The following CCL1 variants were observed in gnomAD, a reference collection of about 807,000 sequenced individuals.
The protein encoded by CCL1 is C-C motif chemokine ligand 1.
Under a neutral mutation model 7.5 loss-of-function variants are expected in CCL1, and 9 were observed. The observed-to-expected ratio is 1.20, with a 90% CI of 0.72 to 2.09. The LOEUF (loss-of-function observed/expected upper bound fraction) is 2.09. CCL1 is among the 30% of genes most tolerant of loss of function. CCL1 has a pLI of 0.00. For missense variants in CCL1, 110 were observed against 113.7 expected (o/e 0.97, Z 0.15); for synonymous variants, 48 against 44.7 (o/e 1.07, Z -0.30).
rs917421009 is a variant in CCL1 at position 34,361,061 on chromosome 17, G to A, written c.189-400C>T. ...CATGTGTTTGTGTGTGTGTGTGTGC[G>A]CGCGCCTTGTGTGTGTGTGGGTGTG... On this transcript the variant is annotated intron_variant, in intron 2 of 2. Coordinates refer to ENST00000225842, the MANE Select transcript of CCL1 (RefSeq NM_002981.2). 5.3e-5 allele frequency among the ~76,000 whole-genome samples: 8 copies of A among 151,970 alleles called. No homozygotes were observed. In the South Asian group the frequency reaches 8.3e-4, roughly 16 times the overall value.
intron 1 of CCL1, 127 bp downstream of exon 1, chr17:34,362,959 C>T: frequency 1.2e-6 from 1 of 823,758 alleles, no homozygotes; most frequent in South Asian, 1.6e-5. Flanking sequence ...CACCATTCCT[C>T]CTCTTTAGGT....
At chr17:34,363,011 T>C in intron 1 of CCL1, 75 bp downstream of exon 1, 2 of 1,384,316 alleles carry the variant, frequency 1.4e-6, no homozygotes, top group Non-Finnish European at 2.0e-6. Context: ...AGGAGAAGCC[T>C]GCTCCAACCC....
chr17:34,360,666 G>A lies in CCL1; in HGVS notation c.189-5C>T, dbSNP rs771188419. The A allele has an allele frequency of 6.8e-6, 11 of 1,609,634 alleles. No homozygotes were observed. The highest frequency in any genetic ancestry group is 9.3e-6 in the Non-Finnish European group (11 of 1,177,390). ...TTGCCTCTCTTCAGCTTGAATCTGT[G>A]AACAGAGAATAAGAGAGAAGGCTGA... On this transcript the variant is annotated splice_region_variant and splice_polypyrimidine_tract_variant and intron_variant, in intron 2 of 2. Transcript: ENST00000225842.
intron 2 of CCL1, among the ~76,000 whole-genome samples, chr17:34,361,058 T>TGTGTGC (rs2141950635): frequency 6.6e-6 from 1 of 152,102 alleles, no homozygotes; most frequent in African/African-American, 2.4e-5. Flanking sequence ...TGTGTGTGTG[T>TGTGTGC]GCGCGCGCCT....
At position 34,360,380 on chromosome 17, in the gene CCL1, G is replaced by T; in HGVS notation, c.*179C>A. On this transcript the variant is annotated 3_prime_UTR_variant, in exon 3 of 3. Transcript: ENST00000225842. Reference sequence around the variant, plus strand: ...CTCTGAAATCCAAGAGACCCAGAGGGTTGGGGGTTGATGATTGTATAATTT... The same window carrying T: ...CTCTGAAATCCAAGAGACCCAGAGGTTTGGGGGTTGATGATTGTATAATTT... 4 of 567,536 alleles carry T rather than the reference G, an allele frequency of 7.0e-6. No individual in the cohort carries two copies. The highest frequency in any genetic ancestry group is 6.0e-5 in the South Asian group (3 of 49,664). The allele number at this position is 567,536 out of a possible 1,614,324, so 35.2% of individuals were successfully genotyped here.
At chr17:34,362,616 CCAAA>C (rs758235549) in intron 1 of CCL1, among the ~76,000 whole-genome samples, 1 of 152,136 alleles carries the variant, frequency 6.6e-6, no homozygotes, top group Non-Finnish European at 1.5e-5. Flanking sequence ...TTGGTATTCT[CCAAA>C]CAGTCTTGGA....
chr17:34,361,663 C>A, intron 2 of CCL1, 122 bp downstream of exon 2: 1 of 684,826 alleles, frequency 1.5e-6, no homozygotes, highest in Non-Finnish European at 2.6e-6. Flanking sequence ...CACCCAGGTG[C>A]TGGCAGCTCT....
Position 34,360,446 on chromosome 17 carries a change from C to T in CCL1, c.*113G>A. The T allele has an allele frequency of 1.2e-6, 1 of 802,830 alleles. No homozygotes were observed. The highest frequency in any genetic ancestry group is 1.9e-5 in the Admixed American group (1 of 53,332). 49.7% of individuals were successfully genotyped at this position (802,830 alleles called of 1,614,324 possible). A position where few individuals can be genotyped will look rare whatever the true frequency, so the allele number is the denominator to read the frequency against. On this transcript the variant is annotated 3_prime_UTR_variant, in exon 3 of 3. Transcript: ENST00000225842. ...AACAACATAGCTTATCAAGACCAAG[C>T]AGATCCTCTGTGACCTAGCAAAAGC...
At chr17:34,362,792 C>T (rs1410611905) in intron 1 of CCL1, among the ~76,000 whole-genome samples, 2 of 152,164 alleles carry the variant, frequency 1.3e-5, no homozygotes, top group African/African-American at 2.4e-5. Flanking sequence ...TCCCCTGGAC[C>T]TTAGGCCTCC....
chr17:34,362,982 G>C, intron 1 of CCL1, 104 bp downstream of exon 1: 1 of 994,356 alleles, frequency 1.0e-6, no homozygotes, highest in Non-Finnish European at 1.6e-6. Context: ...GAAGAGGGGA[G>C]ATAGAGTTGG....
intron 2 of CCL1, 114 bp downstream of exon 2, chr17:34,361,671 T>G (rs1248252266): frequency 8.2e-6 from 6 of 730,022 alleles, no homozygotes; most frequent in Non-Finnish European, 1.4e-5. Context: ...TGCTGGCAGC[T>G]CTGGGTTTAG....
Position 34,361,719 on chromosome 17 carries a change from A to T in CCL1, c.188+66T>A, listed in dbSNP as rs1910511022. 4.7e-6 allele frequency: 5 copies of T among 1,053,370 alleles called. No individual in the cohort carries two copies. In the East Asian group the frequency reaches 7.2e-5, roughly 15 times the overall value. The allele number at this position is 1,053,370 out of a possible 1,614,324, so 65.3% of individuals were successfully genotyped here. On this transcript the variant is annotated intron_variant, in intron 2 of 2. Transcript: ENST00000225842. ...GGTAAAATACTGTCATCTAGTGTCT[A>T]CTCTTGTAATTCCAGGCTGGCGGGG... is the stretch of plus-strand genomic sequence containing the variant.
rs780220490 is a variant in CCL1, at chr17:34,360,630, C to A, written c.220G>T (p.Ala74Ser). 4 of 1,613,478 alleles carry A rather than the reference C, an allele frequency of 2.5e-6. No individual in the cohort carries two copies. The highest frequency in any genetic ancestry group is 1.1e-5 in the South Asian group (1 of 91,048). Residue 74 changes from alanine (A) to serine (S), a missense_variant, in exon 3 of 3, where the codon GCC (alanine) becomes TCC (serine). Transcript: ENST00000225842. ...FKLKRGKEACALDTVGWVQRH... is the reference protein window; with the variant it reads ...FKLKRGKEACSLDTVGWVQRH... ...TGAACCCATCCAACTGTGTCCAAGG[C>A]GCAGGCCTCTTTGCCTCTCTTCAGC...
At chr17:34,363,060 A>G (rs776240299) in intron 1 of CCL1, 26 bp downstream of exon 1, 7 of 1,608,656 alleles carry the variant, frequency 4.4e-6, no homozygotes, top group Non-Finnish European at 5.9e-6. Context: ...CCCAGAGAGA[A>G]GCAAAATGAT....
chr17:34,360,938 C>T (rs140554617), intron 2 of CCL1, among the ~76,000 whole-genome samples: 189 of 152,172 alleles, frequency 1.2e-3, no homozygotes, highest in African/African-American at 4.3e-3. Context: ...AACATTCTGA[C>T]GATTAGGTGA....
intron 2 of CCL1, among the ~76,000 whole-genome samples, chr17:34,360,873 G>C (rs1910487974): frequency 6.6e-6 from 1 of 152,034 alleles, no homozygotes. Context: ...TGAATTTCCT[G>C]GACCCCTCTC....
intron 2 of CCL1, 58 bp from the exon 3 acceptor site, chr17:34,360,719 AC>A: frequency 7.4e-7 from 1 of 1,344,410 alleles, no homozygotes; most frequent in Non-Finnish European, 1.1e-6. Context: ...TGGGTGGGCA[AC>A]GCACAAGCCC....
intron 1 of CCL1, among the ~76,000 whole-genome samples, chr17:34,362,494 T>C (rs1377334172): frequency 6.6e-6 from 1 of 151,716 alleles, no homozygotes; most frequent in Non-Finnish European, 1.5e-5. Context: ...CCCCACTCTG[T>C]CCATTTGTGC....
chr17:34,361,532 G>C (rs1910506165), intron 2 of CCL1, among the ~76,000 whole-genome samples: 1 of 152,190 alleles, frequency 6.6e-6, no homozygotes, highest in Non-Finnish European at 1.5e-5. Context: ...CATAATGCTG[G>C]GATACAATAC....
Sources: gnomAD v4.1 joint callset for allele counts (sites outside exome capture counted in the v4.1 genomes callset) on GRCh38, gnomAD v4.1.1 for gene constraint, MANE v1.5 for transcripts, NCBI Gene and HGNC (gene_info 2026-07-23, HGNC 2026-07-21) for gene names.